Variants in SEMA3A observed in about 807,000 individuals in gnomAD.
SEMA3A encodes semaphorin-3A.
A neutral mutation model predicts 97.9 loss-of-function variants in SEMA3A; 29 were observed. That is an observed-to-expected ratio of 0.30 (90% CI 0.22 to 0.40). The LOEUF (loss-of-function observed/expected upper bound fraction) is 0.40, where lower values mean the gene tolerates loss of function less well. SEMA3A is among the 10% of genes least tolerant of loss of function. SEMA3A has a pLI of 1.00. For synonymous variants in SEMA3A, 321 were observed against 323.7 expected, an observed-to-expected ratio of 0.99 and a Z score of 0.09; for missense variants, 763 against 951.3, an observed-to-expected ratio of 0.80 and a Z score of 2.60.
intron 3 of SEMA3A, among the ~76,000 whole-genome samples, chr7:84,211,778 T>C (rs781522723): frequency 4.6e-5 from 7 of 152,208 alleles, no homozygotes; most frequent in Non-Finnish European, 8.8e-5. Flanking sequence ...AACAAGTTTG[T>C]ATTTTAGGTA....
intron 3 of SEMA3A, among the ~76,000 whole-genome samples, chr7:84,127,699 T>C (rs976701264): frequency 6.6e-5 from 10 of 152,308 alleles, no homozygotes; most frequent in Admixed American, 5.9e-4. Context: ...TGCTGCTAGA[T>C]TGAGTCAGTC....
chr7:84,475,860 T>C (rs139041629), intron 1 of SEMA3A, among the ~76,000 whole-genome samples: 100 of 152,322 alleles, frequency 6.6e-4, no homozygotes, highest in Non-Finnish European at 1.1e-3. Flanking sequence ...TGTTTCAGCA[T>C]TATTTTTTTG....
chr7:84,397,883 G>A (rs536184816), intron 1 of SEMA3A, among the ~76,000 whole-genome samples: 181 of 152,120 alleles, frequency 1.2e-3, no homozygotes, highest in African/African-American at 4.1e-3. Context: ...TGACAAATAG[G>A]CCATGGGGTT....
At chr7:84,358,113 T>G (rs1394991327) in intron 2 of SEMA3A, among the ~76,000 whole-genome samples, 3 of 152,194 alleles carry the variant, frequency 2.0e-5, no homozygotes, top group Non-Finnish European at 4.4e-5. Flanking sequence ...GGTAGTTTAT[T>G]TTGCTATGCA....
intron 6 of SEMA3A, among the ~76,000 whole-genome samples, chr7:84,044,499 G>C (rs1017009509): frequency 9.9e-5 from 15 of 152,034 alleles, no homozygotes; most frequent in African/African-American, 3.6e-4. Context: ...CAAATTTAGA[G>C]AAAACTTGGG....
intron 1 of SEMA3A, among the ~76,000 whole-genome samples, chr7:84,485,880 A>C (rs1051502644): frequency 6.6e-6 from 1 of 152,218 alleles, no homozygotes; most frequent in Non-Finnish European, 1.5e-5. Context: ...TGAGGTACAG[A>C]AGAGGCTCAT....
At chr7:84,139,490 T>C (rs943060666) in intron 1 of SEMA3A, among the ~76,000 whole-genome samples, 1 of 152,088 alleles carries the variant, frequency 6.6e-6, no homozygotes, top group Non-Finnish European at 1.5e-5. Context: ...CACCAAAGGA[T>C]TTAGTGTGTT....
At chr7:84,148,319 A>T (rs1464132154) in intron 1 of SEMA3A, among the ~76,000 whole-genome samples, 1 of 152,058 alleles carries the variant, frequency 6.6e-6, no homozygotes, top group Admixed American at 6.5e-5. Flanking sequence ...TAGAATAAAT[A>T]CATTTTGATT....
intron 1 of SEMA3A, among the ~76,000 whole-genome samples, chr7:84,385,146 A>G (rs1237106909): frequency 6.6e-6 from 1 of 152,076 alleles, no homozygotes; most frequent in Non-Finnish European, 1.5e-5. Context: ...TACCATTAGA[A>G]AAGGGGAAGA....
At chr7:84,308,196 T>C (rs183949479) in intron 2 of SEMA3A, among the ~76,000 whole-genome samples, 331 of 152,262 alleles carry the variant, frequency 2.2e-3, no homozygotes, top group Non-Finnish European at 3.6e-3. Context: ...TATTACCATA[T>C]ATTTAAAAAA....
chr7:84,491,286 G>A lies in SEMA3A; in HGVS notation c.-246+1174C>T, dbSNP rs182903409. 5.6e-4 allele frequency among the ~76,000 whole-genome samples: 85 copies of A among 152,086 alleles called. 1 individual carries two copies. The highest frequency in any genetic ancestry group is 3.4e-3 in the Middle Eastern group (1 of 292). On this transcript the variant is annotated intron_variant, in intron 1 of 3. Coordinates refer to the SEMA3A transcript ENST00000424555. Reference sequence around the variant, plus strand: ...CCTAACTACTCTACATATGTGCATTGCCTTTTGAGATGACAATGTCTTCCA... The same window carrying A: ...CCTAACTACTCTACATATGTGCATTACCTTTTGAGATGACAATGTCTTCCA...
chr7:84,449,366 T>C (rs1413447178), intron 1 of SEMA3A, among the ~76,000 whole-genome samples: 6 of 151,806 alleles, frequency 4.0e-5, no homozygotes, highest in African/African-American at 1.5e-4. Context: ...TACAAATCAA[T>C]AAAATGAAAA....
At chr7:84,415,865 C>A (rs1219514793) in intron 1 of SEMA3A, among the ~76,000 whole-genome samples, 1 of 151,978 alleles carries the variant, frequency 6.6e-6, no homozygotes, top group South Asian at 2.1e-4. Context: ...TTTCAAATAT[C>A]ATAATTGCTA....
At chr7:84,091,276 AAAAGAAAG>A (rs751003226) in intron 4 of SEMA3A, among the ~76,000 whole-genome samples, 1 of 135,072 alleles carries the variant, frequency 7.4e-6, no homozygotes, top group Non-Finnish European at 1.6e-5. Flanking sequence ...AAAAAGAAAG[AAAAGAAAG>A]AAAGAAAGAA....
chr7:84,012,173 T>A (rs546205092), intron 7 of SEMA3A, among the ~76,000 whole-genome samples: 1 of 152,228 alleles, frequency 6.6e-6, no homozygotes, highest in Admixed American at 6.5e-5. Context: ...ATGACTTTAA[T>A]TAATAAAAAT....
chr7:84,476,655 G>T (rs1235484985), intron 1 of SEMA3A, among the ~76,000 whole-genome samples: 1 of 152,066 alleles, frequency 6.6e-6, no homozygotes, highest in African/African-American at 2.4e-5. Context: ...TTAAAATCTT[G>T]TATTCCTTAG....
intron 3 of SEMA3A, among the ~76,000 whole-genome samples, chr7:84,287,837 T>G (rs1800629831): frequency 6.6e-6 from 1 of 152,146 alleles, no homozygotes; most frequent in Non-Finnish European, 1.5e-5. Flanking sequence ...AGAAAGTTCT[T>G]ATAAGACAAT....
At chr7:84,233,821 T>G (rs984045366) in intron 3 of SEMA3A, among the ~76,000 whole-genome samples, 8 of 152,004 alleles carry the variant, frequency 5.3e-5, no homozygotes, top group Non-Finnish European at 1.2e-4. Context: ...CTGGCAAATT[T>G]TGCCATGCAA....
chr7:84,333,395 T>C (rs1801951649), intron 2 of SEMA3A, among the ~76,000 whole-genome samples: 1 of 152,142 alleles, frequency 6.6e-6, no homozygotes, highest in Non-Finnish European at 1.5e-5. Context: ...ACACTGACTC[T>C]AGAGTCTTTA....
Sources: allele counts gnomAD v4.1 joint callset (sites outside exome capture counted in the v4.1 genomes callset), GRCh38; gene constraint gnomAD v4.1.1; transcripts MANE v1.5; gene names NCBI Gene and HGNC (gene_info 2026-07-23, HGNC 2026-07-21).